SMC2: variants seen among roughly 807,000 people sequenced by gnomAD.
The protein encoded by SMC2 is structural maintenance of chromosomes 2.
SMC2 carries 41 observed loss-of-function variants against 142.6 expected under a neutral mutation model. The ratio of observed to expected loss-of-function variants is 0.29; its 90% CI spans 0.22 to 0.37. SMC2 has a LOEUF of 0.37. SMC2 is among the 10% of genes least tolerant of loss of function. SMC2 has a pLI of 1.00. For synonymous variants in SMC2, 463 were observed against 457.5 expected (o/e 1.01, Z -0.15); for missense variants, 1,265 against 1,373.7 (o/e 0.92, Z 1.25).
In SMC2 at chr9:104,094,547, G is replaced by GGCGGGGC. The variant is rs1371404524; in HGVS notation, c.-62+84_-62+90dup. The GGCGGGGC allele has an allele frequency of 2.2e-5, 7 of 311,168 alleles. No individual in the cohort carries two copies. The South Asian group carries it at 5.2e-4, about 23-fold the overall frequency. The allele number at this position is 311,168 out of a possible 1,614,324, so 19.3% of individuals were successfully genotyped here. A position where few individuals can be genotyped will look rare whatever the true frequency, so the allele number is the denominator to read the frequency against. Reference sequence around the variant, plus strand: ...TCCTGGCGGGAGGCGGGAGGCGGGAGGCGGGGCGCGGGGCGCGGGGGCTGT... The same window carrying GGCGGGGC: ...TCCTGGCGGGAGGCGGGAGGCGGGAGGCGGGGCGCGGGGCGCGGGGCGCGGGGGCTGT... On this transcript the variant is annotated intron_variant, in intron 1 of 24. Transcript: ENST00000374793.
rs564129335 is a variant in SMC2, at chr9:104,113,332, A to G, written c.1271A>G (p.Lys424Arg). The G allele has an allele frequency of 2.9e-5, 46 of 1,606,328 alleles. No homozygotes were observed. Among genetic ancestry groups the G allele is most frequent in the Middle Eastern group, 1.7e-4 (1 of 6,034 alleles). Residue 424 changes from lysine to arginine, a missense_variant, in exon 11 of 25, where the codon AAG (lysine) becomes AGG (arginine). Around this residue, in one of 4 missense-constraint regions of SMC2, gnomAD observed 898 missense variants for 904.2 expected, o/e 0.99. Transcript: ENST00000374793. ...TEAKQAQMKL[K>R]HAQQELKNKQ... ...CTGCCACAGGCTCAGATGAAGTTGA[A>G]GCATGCTCAACAGGAATTAAAGAAT...
chr9:104,127,383 A>G lies in SMC2; in HGVS notation c.2693A>G (p.Lys898Arg). The G allele has an allele frequency of 1.9e-6, 3 of 1,613,954 alleles. No homozygotes were observed. Among genetic ancestry groups the G allele is most frequent in the Non-Finnish European group, 2.5e-6 (3 of 1,179,856 alleles). ...VIKAKYAEVA[K>R]HKEQNNDSQL... Reference sequence around the variant, plus strand: ...AAAGCTAAATATGCAGAAGTGGCAAAACACAAGGAGCAAAACAATGATTCT... The same window carrying G: ...AAAGCTAAATATGCAGAAGTGGCAAGACACAAGGAGCAAAACAATGATTCT... The change falls in exon 20 of 25, where the codon AAA becomes AGA. Residue 898 changes from lysine to arginine, a missense_variant. Transcript: ENST00000374793.
chr9:104,125,745 G>A (rs987530588), intron 18 of SMC2, among the ~76,000 whole-genome samples: 1 of 152,172 alleles, frequency 6.6e-6, no homozygotes, highest in Non-Finnish European at 1.5e-5. Flanking sequence ...TCATTCAGTT[G>A]TAAACTGATG....
chr9:104,115,754 A>T (rs1324796052), intron 13 of SMC2, among the ~76,000 whole-genome samples: 1 of 151,920 alleles, frequency 6.6e-6, no homozygotes, highest in Non-Finnish European at 1.5e-5. Flanking sequence ...ATATAGTATT[A>T]ATTATAGTCC....
chr9:104,096,834 C>T (rs1250167317), intron 3 of SMC2, among the ~76,000 whole-genome samples: 3 of 152,152 alleles, frequency 2.0e-5, no homozygotes, highest in Admixed American at 1.3e-4. Flanking sequence ...ATGTTTGTTC[C>T]TAGTTCCTTC....
chr9:104,099,565 C>G (rs1830879208), intron 4 of SMC2, 79 bp from the exon 5 acceptor site: 1 of 881,822 alleles, frequency 1.1e-6, no homozygotes, highest in Admixed American at 1.8e-5. Flanking sequence ...CAGCTTCAGT[C>G]TAGATAAACA....
At position 104,100,991 on chromosome 9, in the gene SMC2, G is replaced by A. The variant is rs116856508; in HGVS notation, c.636+558G>A. Among the ~76,000 whole-genome samples the A allele has an allele frequency of 5.9e-3, 905 of 152,242 alleles. 2 individuals carry two copies. Among genetic ancestry groups the A allele is most frequent in the Non-Finnish European group, 9.0e-3 (614 of 68,016 alleles). On this transcript the variant is annotated intron_variant, in intron 7 of 24. Coordinates refer to ENST00000374793, the MANE Select transcript of SMC2 (RefSeq NM_006444.3). ...GTCTCACTGTCGCCCAGGCTGGAGTGCAGTGGTGTCATCACAGCTCACTGC... is the reference window on the plus strand; with the variant it reads ...GTCTCACTGTCGCCCAGGCTGGAGTACAGTGGTGTCATCACAGCTCACTGC...
chr9:104,137,923 G>A (rs540861341), intron 23 of SMC2, 95 bp from the exon 24 acceptor site: 2 of 771,862 alleles, frequency 2.6e-6, no homozygotes, highest in Admixed American at 3.0e-5. Flanking sequence ...AGATAAATCT[G>A]CTCTATTCAC....
rs545938312 is a variant in SMC2, at chr9:104,115,953, A to T, written c.1672-247A>T. 2.0e-5 allele frequency among the ~76,000 whole-genome samples: 3 copies of T among 152,052 alleles called. No individual in the cohort carries two copies. In the East Asian group the frequency reaches 5.8e-4, roughly 29 times the overall value. The stretch of plus-strand genomic sequence containing the variant: ...AGATTCCATGTACAAGTGAGGTCAT[A>T]CAGTTTTTTATTTTTTCTTCGTCTG... On this transcript the variant is annotated intron_variant, in intron 13 of 24. Transcript: ENST00000374793.
At chr9:104,105,803 G>A (rs762693889) in intron 9 of SMC2, among the ~76,000 whole-genome samples, 7 of 152,068 alleles carry the variant, frequency 4.6e-5, no homozygotes, top group East Asian at 1.9e-4. Context: ...TGTCCCTGTG[G>A]GCTATGACAG....
At chr9:104,120,533 T>C (rs1288646691) in intron 16 of SMC2, among the ~76,000 whole-genome samples, 1 of 152,158 alleles carries the variant, frequency 6.6e-6, no homozygotes, top group African/African-American at 2.4e-5. Context: ...TATGATACAG[T>C]ATAGCATTGA....
At chr9:104,115,690 T>C (rs1434477632) in intron 13 of SMC2, among the ~76,000 whole-genome samples, 2 of 152,188 alleles carry the variant, frequency 1.3e-5, no homozygotes, top group Non-Finnish European at 2.9e-5. Context: ...CCTTCCATAG[T>C]TACCTTTTTT....
At chr9:104,137,854 TACAAC>T (rs1280974399) in intron 23 of SMC2, among the ~76,000 whole-genome samples, 159 bp from the exon 24 acceptor site, 5,498 of 151,140 alleles carry the variant, frequency 0.036, 326 homozygotes, top group African/African-American at 0.13. Context: ...AATATTTTAA[TACAAC>T]AAAAGTGTTA....
intron 9 of SMC2, among the ~76,000 whole-genome samples, chr9:104,106,496 C>T (rs146272341): frequency 4.3e-4 from 65 of 152,244 alleles, no homozygotes; most frequent in African/African-American, 1.5e-3. Flanking sequence ...CGGGCTGAAG[C>T]GATTCTCCTG....
intron 20 of SMC2, among the ~76,000 whole-genome samples, chr9:104,128,820 CA>C (rs1834601644): frequency 6.6e-6 from 1 of 152,042 alleles, no homozygotes; most frequent in Admixed American, 6.6e-5. Flanking sequence ...GTGCCTTTTT[CA>C]AAAGGTGGGG....
intron 15 of SMC2, 141 bp from the exon 16 acceptor site, chr9:104,119,886 G>T: frequency 2.5e-6 from 2 of 796,998 alleles, no homozygotes. Flanking sequence ...TCAGGTGATG[G>T]AATGAATTCC....
chr9:104,114,940 T>C (rs1390020375), intron 13 of SMC2, 111 bp downstream of exon 13: 17 of 775,376 alleles, frequency 2.2e-5, no homozygotes, highest in Non-Finnish European at 3.2e-5. Context: ...TAAGGTGACT[T>C]ATTTATAGGG....
intron 3 of SMC2, among the ~76,000 whole-genome samples, chr9:104,097,263 A>T (rs1326075008): frequency 1.1e-4 from 16 of 149,138 alleles, no homozygotes; most frequent in South Asian, 4.2e-4. Context: ...CACCCGGCTA[A>T]TTTTTTTTTG....
chr9:104,132,646 T>C (rs1835109459), intron 22 of SMC2, among the ~76,000 whole-genome samples: 1 of 152,170 alleles, frequency 6.6e-6, no homozygotes, highest in Admixed American at 6.5e-5. Flanking sequence ...CCTCTTTTTC[T>C]CTTTGTAATT....
Sources: gnomAD v4.1 joint callset for allele counts (sites outside exome capture counted in the v4.1 genomes callset) on GRCh38, gnomAD v4.1.1 for gene constraint, gnomAD v4.1.1 regional missense constraint, MANE v1.5 for transcripts, NCBI Gene and HGNC (gene_info 2026-07-23, HGNC 2026-07-21) for gene names.